Variants in RUNDC3B observed in about 807,000 individuals in gnomAD.
RUNDC3B encodes the protein RUN domain containing 3B.
RUNDC3B carries 33 observed loss-of-function variants against 58.4 expected under a neutral mutation model. The ratio of observed to expected loss-of-function variants is 0.56; its 90% CI spans 0.43 to 0.75. The LOEUF is 0.75. Among genes scored for constraint, RUNDC3B ranks in the 30% least tolerant of loss-of-function variants. RUNDC3B has a pLI of 0.00. For synonymous variants in RUNDC3B, 193 were observed against 195.2 expected (o/e 0.99, Z 0.10); for missense variants, 501 against 535.7 (o/e 0.94, Z 0.64).
intron 8 of RUNDC3B, among the ~76,000 whole-genome samples, chr7:87,785,879 G>A (rs943922404): frequency 6.6e-6 from 1 of 152,192 alleles, no homozygotes; most frequent in Non-Finnish European, 1.5e-5. Context: ...TCAAATGTCT[G>A]TGTGGGTTGT....
intron 10 of RUNDC3B, among the ~76,000 whole-genome samples, chr7:87,825,099 G>A (rs913581951): frequency 2.0e-5 from 3 of 152,048 alleles, no homozygotes; most frequent in African/African-American, 7.2e-5. Context: ...GCGGGTGCCT[G>A]TAGTCCCAGC....
intron 8 of RUNDC3B, among the ~76,000 whole-genome samples, chr7:87,782,982 G>T (rs549387766): frequency 1.3e-5 from 2 of 152,260 alleles, no homozygotes; most frequent in East Asian, 3.9e-4. Flanking sequence ...GGTCCAATTG[G>T]ACAAGTCAAA....
intron 3 of RUNDC3B, among the ~76,000 whole-genome samples, chr7:87,705,789 T>C (rs1791964242): frequency 6.6e-6 from 1 of 152,164 alleles, no homozygotes; most frequent in East Asian, 1.9e-4. Context: ...TATAAACATA[T>C]TATATGATCC....
intron 8 of RUNDC3B, among the ~76,000 whole-genome samples, chr7:87,781,834 T>C (rs1487103943): frequency 6.6e-6 from 1 of 152,122 alleles, no homozygotes; most frequent in Non-Finnish European, 1.5e-5. Flanking sequence ...GAATAAAGTC[T>C]ACTTGATCAT....
At chr7:87,701,309 G>A (rs1230349247) in intron 3 of RUNDC3B, among the ~76,000 whole-genome samples, 1 of 152,154 alleles carries the variant, frequency 6.6e-6, no homozygotes, top group East Asian at 1.9e-4. Context: ...GGAAACAGCT[G>A]ACAGTATTTG....
At chr7:87,776,379 A>G (rs751172635) in intron 7 of RUNDC3B, among the ~76,000 whole-genome samples, 6 of 152,178 alleles carry the variant, frequency 3.9e-5, no homozygotes, top group Non-Finnish European at 7.4e-5. Context: ...TACAGTTTTT[A>G]GAGCAAATGA....
At chr7:87,682,415 A>T (rs1827016792) in intron 2 of RUNDC3B, among the ~76,000 whole-genome samples, 1 of 152,142 alleles carries the variant, frequency 6.6e-6, no homozygotes, top group Admixed American at 6.5e-5. Flanking sequence ...CCATCAGAAG[A>T]CTCATTGTCT....
At position 87,636,930 on chromosome 7, in the gene RUNDC3B, A is replaced by G. The variant is rs1432940094; in HGVS notation, c.122+7985A>G. Among the ~76,000 whole-genome samples, 4 of 152,162 alleles carry G rather than the reference A, an allele frequency of 2.6e-5. No individual in the cohort carries two copies. In the South Asian group the frequency reaches 6.2e-4, roughly 24 times the overall value. ...CTCAGGAAACTTACAAGCATGGTGG[A>G]AGGGGAAGTAAACATGTCCTTCTTC... On this transcript the variant is annotated intron_variant, in intron 1 of 10. Transcript: ENST00000394654.
chr7:87,678,828 A>G (rs998128968), intron 2 of RUNDC3B, among the ~76,000 whole-genome samples: 1 of 152,202 alleles, frequency 6.6e-6, no homozygotes, highest in African/African-American at 2.4e-5. Flanking sequence ...TGACAGGGAT[A>G]AAGTTGGACA....
chr7:87,822,441 A>G (rs555767755), intron 10 of RUNDC3B, among the ~76,000 whole-genome samples: 145 of 152,222 alleles, frequency 9.5e-4, no homozygotes, highest in East Asian at 3.9e-3. Context: ...CTGTTGGTGG[A>G]ACTGTAAACT....
rs1199219540 is a variant in RUNDC3B, at chr7:87,782,667, CTTTTTCATTTATTTT to C, written c.956+4713_956+4727del. ...CCAGAGATTTTGGTATGTTGTATCT[CTTTTTCATTTATTTT>C]AAAGAATTTTTAAATTTCTGTCTTA... On this transcript the variant is annotated intron_variant, in intron 8 of 10. Coordinates refer to ENST00000394654, the MANE Select transcript of RUNDC3B (RefSeq NM_001134405.2). Among the ~76,000 whole-genome samples, 10 of 152,126 alleles carry C rather than the reference CTTTTTCATTTATTTT, an allele frequency of 6.6e-5. No homozygotes were observed. The East Asian group carries it at 1.9e-3, about 29-fold the overall frequency.
intron 6 of RUNDC3B, among the ~76,000 whole-genome samples, chr7:87,747,265 G>A (rs990254936): frequency 6.6e-6 from 1 of 152,168 alleles, no homozygotes; most frequent in Non-Finnish European, 1.5e-5. Flanking sequence ...GCCACTCAGT[G>A]AGTCTACTTG....
chr7:87,657,119 TAAG>T (rs1330997166), intron 2 of RUNDC3B, among the ~76,000 whole-genome samples: 1 of 152,034 alleles, frequency 6.6e-6, no homozygotes, highest in Non-Finnish European at 1.5e-5. Context: ...AAAACAAACA[TAAG>T]AAGACTCTGA....
rs548210839 is a variant in RUNDC3B at position 87,658,913 on chromosome 7, A to G, written c.238+7976A>G. ...ATAAAAGAAAGAACTTTAGGCTGGG[A>G]GGCCAAAGCAAGCGGATCACTTGAG... On this transcript the variant is annotated intron_variant, in intron 2 of 10. Transcript: ENST00000394654. 5.3e-5 allele frequency among the ~76,000 whole-genome samples: 8 copies of G among 152,326 alleles called. No individual in the cohort carries two copies. The East Asian group carries it at 1.5e-3, about 29-fold the overall frequency.
chr7:87,707,083 G>C (rs1285063699), intron 3 of RUNDC3B, among the ~76,000 whole-genome samples: 1 of 152,094 alleles, frequency 6.6e-6, no homozygotes, highest in African/African-American at 2.4e-5. Flanking sequence ...TAAATTGTGA[G>C]GTGATTTTCT....
At chr7:87,794,287 T>C (rs1835689060) in intron 8 of RUNDC3B, among the ~76,000 whole-genome samples, 1 of 152,054 alleles carries the variant, frequency 6.6e-6, no homozygotes, top group Non-Finnish European at 1.5e-5. Context: ...ATACAAAAAT[T>C]AGCTGGGTGT....
chr7:87,741,797 C>A (rs952861648), intron 6 of RUNDC3B, among the ~76,000 whole-genome samples: 1 of 152,076 alleles, frequency 6.6e-6, no homozygotes, highest in Non-Finnish European at 1.5e-5. Flanking sequence ...GTAATCCTAG[C>A]ATCTAGTTTT....
chr7:87,782,801 ATTTT>A, intron 8 of RUNDC3B, among the ~76,000 whole-genome samples: 1 of 151,860 alleles, frequency 6.6e-6, no homozygotes, highest in African/African-American at 2.4e-5. Flanking sequence ...ATTCACTTCA[ATTTT>A]TCTTCCACTG....
At chr7:87,776,065 A>C (rs1204439973) in intron 7 of RUNDC3B, among the ~76,000 whole-genome samples, 1 of 152,232 alleles carries the variant, frequency 6.6e-6, no homozygotes, top group African/African-American at 2.4e-5. Flanking sequence ...ACATAAGATC[A>C]TGTGAATATA....
Sources: gnomAD v4.1 joint callset for allele counts (sites outside exome capture counted in the v4.1 genomes callset) on GRCh38, gnomAD v4.1.1 for gene constraint, MANE v1.5 for transcripts, NCBI Gene and HGNC (gene_info 2026-07-23, HGNC 2026-07-21) for gene names.